The following SRFBP1 variants were observed in gnomAD, a reference collection of about 807,000 sequenced individuals.
The protein encoded by SRFBP1 is serum response factor binding protein 1, also known as serum response factor-binding protein 1.
Under a neutral mutation model 45.5 loss-of-function variants are expected in SRFBP1, and 47 were observed. The ratio of observed to expected loss-of-function variants is 1.03; its 90% CI spans 0.82 to 1.32. The LOEUF (loss-of-function observed/expected upper bound fraction) is 1.32, where lower values mean the gene tolerates loss of function less well. Among genes scored for constraint, SRFBP1 ranks in the 40% most tolerant of loss-of-function variants. The pLI is 0.00. For synonymous variants in SRFBP1, 203 were observed against 166.3 expected, an observed-to-expected ratio of 1.22 and a Z score of -1.70; for missense variants, 621 against 484.6, an observed-to-expected ratio of 1.28 and a Z score of -2.64.
intron 2 of SRFBP1, among the ~76,000 whole-genome samples, chr5:122,034,256 G>T (rs562292056): frequency 6.6e-6 from 1 of 152,280 alleles, no homozygotes; most frequent in South Asian, 2.1e-4. Flanking sequence ...GTGTTAAGAT[G>T]AATATGTTTG....
intron 4 of SRFBP1, among the ~76,000 whole-genome samples, chr5:122,001,288 G>A (rs1391663025): frequency 1.3e-5 from 2 of 151,266 alleles, no homozygotes; most frequent in Non-Finnish European, 2.9e-5. Context: ...TGCTATAACA[G>A]ATTGGTAGCT....
intron 2 of SRFBP1, chr5:122,063,458 A>C (rs1050296739): frequency 6.6e-6 from 1 of 151,944 alleles, no homozygotes; most frequent in Non-Finnish European, 1.5e-5. Context: ...TTAAATGTTT[A>C]TATACCACAA....
intron 2 of SRFBP1, among the ~76,000 whole-genome samples, chr5:122,036,686 A>G: frequency 6.6e-6 from 1 of 152,156 alleles, no homozygotes; most frequent in Non-Finnish European, 1.5e-5. Context: ...TCCCTGGTTG[A>G]CAACATTAGT....
intron 1 of SRFBP1, among the ~76,000 whole-genome samples, chr5:121,966,092 A>G (rs180938445): frequency 2.9e-4 from 44 of 152,296 alleles, no homozygotes; most frequent in African/African-American, 9.6e-4. Context: ...TGGGGCTGAA[A>G]CAATGGGGTT....
At chr5:122,047,043 T>G (rs1369945440) in intron 2 of SRFBP1, among the ~76,000 whole-genome samples, 10 of 152,230 alleles carry the variant, frequency 6.6e-5, no homozygotes, top group Admixed American at 3.9e-4. Context: ...AGAAGCTCTT[T>G]AGTTTAATTA....
chr5:122,075,390 G>T (rs1275317867), exon 3 of SRFBP1: 2 of 1,590,820 alleles, frequency 1.3e-6, no homozygotes, highest in African/African-American at 1.4e-5. Flanking sequence ...TACCCAGGAG[G>T]CCCATTTACT....
At position 122,015,719 on chromosome 5, in the gene SRFBP1, T is replaced by A. The variant is rs1753182150; in HGVS notation, c.271-3541T>A. Among the ~76,000 whole-genome samples the A allele has an allele frequency of 1.3e-5, 2 of 152,236 alleles. 1 individual carries two copies. The highest frequency in any genetic ancestry group is 2.9e-5 in the Non-Finnish European group (2 of 68,036). ...GAAAATCAAATACTTCTACAAGAATTTTTTTATAAAAGTGGCAGTACTCTA... is the reference window on the plus strand; with the variant it reads ...GAAAATCAAATACTTCTACAAGAATATTTTTATAAAAGTGGCAGTACTCTA... On this transcript the variant is annotated intron_variant, in intron 4 of 7. Coordinates refer to ENST00000339397, the MANE Select transcript of SRFBP1 (RefSeq NM_152546.3).
rs753126669 is a variant in SRFBP1, at chr5:122,022,408, G to A, written c.1105+1G>A. On this transcript the variant is annotated splice_donor_variant, in intron 7 of 7. Coordinates refer to ENST00000339397, the MANE Select transcript of SRFBP1 (RefSeq NM_152546.3). LOFTEE classifies it high-confidence loss of function. Reference sequence around the variant, plus strand: ...CAGGCTCCAAAAACAAGATCCCTAGGTATGTATTCATAGTTGCCTGACCTT... The same window carrying A: ...CAGGCTCCAAAAACAAGATCCCTAGATATGTATTCATAGTTGCCTGACCTT... The A allele has an allele frequency of 6.2e-7, 1 of 1,610,200 alleles. No homozygotes were observed. The highest frequency in any genetic ancestry group is 8.5e-7 in the Non-Finnish European group (1 of 1,178,532).
intron 2 of SRFBP1, among the ~76,000 whole-genome samples, chr5:122,055,777 A>C (rs1754067647): frequency 6.6e-6 from 1 of 152,198 alleles, no homozygotes; most frequent in Non-Finnish European, 1.5e-5. Flanking sequence ...GGAAATTAAA[A>C]ACACAATGAG....
chr5:122,040,729 C>A (rs902169050), intron 2 of SRFBP1, among the ~76,000 whole-genome samples: 2 of 152,118 alleles, frequency 1.3e-5, no homozygotes, highest in African/African-American at 4.8e-5. Flanking sequence ...TAAAGATTTA[C>A]AAGCACTAAA....
intron 2 of SRFBP1, among the ~76,000 whole-genome samples, chr5:122,068,174 T>TAAAAAAAAAAAAAAAAAAAAAAAA (rs10650287): frequency 8.6e-6 from 1 of 115,908 alleles, no homozygotes; most frequent in South Asian, 3.0e-4. Context: ...TAATAACTAG[T>TAAAAAAAAAAAAAAAAAAAAAAAA]AAAAAAAAAA....
intron 2 of SRFBP1, among the ~76,000 whole-genome samples, chr5:122,047,508 T>TGCAAAA (rs1753885613): frequency 6.6e-6 from 1 of 152,226 alleles, no homozygotes; most frequent in Admixed American, 6.5e-5. Flanking sequence ...TCTTTTGGCT[T>TGCAAAA]AGGATTGTCT....
intron 2 of SRFBP1, among the ~76,000 whole-genome samples, chr5:122,054,806 A>G (rs1754050537): frequency 6.6e-6 from 1 of 152,216 alleles, no homozygotes; most frequent in Admixed American, 6.5e-5. Flanking sequence ...TTTAAATTGC[A>G]TATTTTGACC....
At chr5:121,982,284 A>C (rs1363222224) in intron 3 of SRFBP1, among the ~76,000 whole-genome samples, 2 of 151,934 alleles carry the variant, frequency 1.3e-5, no homozygotes, top group Admixed American at 6.6e-5. Flanking sequence ...ACAGGAAATC[A>C]TAGCGCTATT....
At chr5:122,000,083 G>A (rs562927370) in intron 4 of SRFBP1, among the ~76,000 whole-genome samples, 93 of 151,800 alleles carry the variant, frequency 6.1e-4, no homozygotes, top group Non-Finnish European at 1.2e-3. Flanking sequence ...TTCATTACAT[G>A]TACATATTTT....
intron 4 of SRFBP1, 119 bp from the exon 5 acceptor site, chr5:122,019,141 T>TA: frequency 1.3e-6 from 1 of 793,106 alleles, no homozygotes; most frequent in Non-Finnish European, 2.1e-6. Flanking sequence ...AGGAGAATAT[T>TA]AACTAGTTCT....
At chr5:122,048,055 T>G (rs896311574) in intron 2 of SRFBP1, among the ~76,000 whole-genome samples, 6 of 152,204 alleles carry the variant, frequency 3.9e-5, no homozygotes, top group Non-Finnish European at 7.3e-5. Flanking sequence ...CCTGCCTGAT[T>G]GCCCTGCCCG....
In SRFBP1 at chr5:122,054,292, C is replaced by T. The variant is rs904872261; in HGVS notation, n.312-21023C>T. On this transcript the variant is annotated intron_variant and non_coding_transcript_variant, in intron 2 of 2. Coordinates refer to the SRFBP1 transcript ENST00000504881. ...ACAGTTCCTGTGGAGAGCATGAATC[C>T]CCCTAGAGGCTCTCATTCTCTCACC... Among the ~76,000 whole-genome samples, 4 of 152,204 alleles carry T rather than the reference C, an allele frequency of 2.6e-5. No homozygotes were observed. The South Asian group carries it at 8.3e-4, about 32-fold the overall frequency.
intron 2 of SRFBP1, among the ~76,000 whole-genome samples, chr5:122,042,993 G>A (rs1418027991): frequency 1.3e-5 from 2 of 152,002 alleles, no homozygotes; most frequent in African/African-American, 4.8e-5. Context: ...GCTTAAAACA[G>A]TCAATATTCA....
Sources: gnomAD v4.1 joint callset for allele counts (sites outside exome capture counted in the v4.1 genomes callset) on GRCh38, gnomAD v4.1.1 for gene constraint, MANE v1.5 for transcripts, NCBI Gene and HGNC (gene_info 2026-07-23, HGNC 2026-07-21) for gene names.